CFAP52: variants seen among roughly 807,000 people sequenced by gnomAD.
CFAP52 encodes the protein cilia- and flagella-associated protein 52.
Under a neutral mutation model 70.5 loss-of-function variants are expected in CFAP52, and 57 were observed. That is an observed-to-expected ratio of 0.81 (90% CI 0.65 to 1.01). CFAP52 has a LOEUF of 1.01. CFAP52 is among the 50% of genes least tolerant of loss of function. The pLI, the probability that CFAP52 is intolerant of heterozygous loss-of-function variation, is 0.00. For missense variants in CFAP52, 785 were observed against 788.5 expected (o/e 1.00, Z 0.05); for synonymous variants, 267 against 292.5 (o/e 0.91, Z 0.89).
intron 6 of CFAP52, 119 bp from the exon 7 acceptor site, chr17:9,608,000 A>AT: frequency 1.4e-6 from 1 of 697,104 alleles, no homozygotes; most frequent in Non-Finnish European, 2.2e-6. Flanking sequence ...TAATATTTAA[A>AT]ATTTTTTTTA....
chr17:9,630,218 A>G (rs73975754), intron 9 of CFAP52, among the ~76,000 whole-genome samples: 2,383 of 151,546 alleles, frequency 0.016, 74 homozygotes, highest in African/African-American at 0.054. Flanking sequence ...CTTCTCACCC[A>G]GTATACTTTC....
At chr17:9,638,207 T>C (rs1910893528) in intron 11 of CFAP52, among the ~76,000 whole-genome samples, 1 of 152,244 alleles carries the variant, frequency 6.6e-6, no homozygotes, top group Admixed American at 6.5e-5. Flanking sequence ...ATTCTGCTTC[T>C]CAGACTGTAG....
chr17:9,599,517 G>A (rs1251494938), intron 5 of CFAP52, among the ~76,000 whole-genome samples: 1 of 152,190 alleles, frequency 6.6e-6, no homozygotes, highest in Non-Finnish European at 1.5e-5. Flanking sequence ...TAGACTTCAA[G>A]TGAAAGGCAC....
intron 7 of CFAP52, among the ~76,000 whole-genome samples, chr17:9,608,508 G>A (rs1452541017): frequency 1.3e-5 from 2 of 152,108 alleles, no homozygotes; most frequent in African/African-American, 4.8e-5. Context: ...CATGATGAAA[G>A]GAACGGGATG....
At position 9,585,850 on chromosome 17, in the gene CFAP52, C is replaced by T. The variant is rs1369063623; in HGVS notation, c.148C>T (p.Gln50Ter). Residue 50 changes from glutamine to a stop codon, truncating the protein, a stop_gained, in exon 2 of 14, where the codon CAG (glutamine) becomes TAG (stop). Coordinates refer to ENST00000352665, the MANE Select transcript of CFAP52 (RefSeq NM_145054.5). LOFTEE classifies it high-confidence loss of function. Reference sequence around the variant, plus strand: ...TCCTCTTGGTTGCACAGTCCTCATTCAGGCAATAAATACTAAAGAGCAGAA... The same window carrying T: ...TCCTCTTGGTTGCACAGTCCTCATTTAGGCAATAAATACTAAAGAGCAGAA... Reference protein sequence around the residue: ...IYPLGCTVLIQAINTKEQNFL... With the variant: ...IYPLGCTVLI The T allele has an allele frequency of 6.2e-7, 1 of 1,613,946 alleles. No homozygotes were observed. The highest frequency in any genetic ancestry group is 8.5e-7 in the Non-Finnish European group (1 of 1,180,032).
chr17:9,598,112 T>G, intron 4 of CFAP52, 122 bp from the exon 5 acceptor site: 1 of 685,482 alleles, frequency 1.5e-6, no homozygotes, highest in Non-Finnish European at 2.5e-6. Flanking sequence ...TCTTTCATAG[T>G]GCACTAGGCC....
chr17:9,612,215 T>C, intron 7 of CFAP52, 94 bp from the exon 8 acceptor site: 7 of 1,461,780 alleles, frequency 4.8e-6, no homozygotes, highest in Non-Finnish European at 6.5e-6. Context: ...TCTGAAATTA[T>C]ATGCCTGATT....
At position 9,628,684 on chromosome 17, in the gene CFAP52, G is replaced by C. The variant is rs1910330478; in HGVS notation, c.1038G>C (p.Glu346Asp). The C allele has an allele frequency of 6.2e-7, 1 of 1,613,838 alleles. No homozygotes were observed. Among genetic ancestry groups the C allele is most frequent in the African/African-American group, 1.3e-5 (1 of 74,894 alleles). Residue 346 changes from glutamate to aspartate, a missense_variant, in exon 9 of 14, where the codon GAG becomes GAC. Physicochemically the swap from Glu to Asp is conservative, Grantham distance 45 (BLOSUM62 2). Coordinates refer to ENST00000352665, the MANE Select transcript of CFAP52 (RefSeq NM_145054.5). Reference sequence around the variant, plus strand: ...GGCTTCCTTGCAGTGGCACTGCTGAGCTATTTGCAACCTGTGCCAAGAAGG... The same window carrying C: ...GGCTTCCTTGCAGTGGCACTGCTGACCTATTTGCAACCTGTGCCAAGAAGG... ...EDIVFPFGTAELFATCAKKDI... is the reference protein window; with the variant it reads ...EDIVFPFGTADLFATCAKKDI...
intron 7 of CFAP52, 87 bp from the exon 8 acceptor site, chr17:9,612,222 G>A (rs1909740247): frequency 2.0e-6 from 3 of 1,496,180 alleles, no homozygotes; most frequent in Admixed American, 3.7e-5. Context: ...TTATATGCCT[G>A]ATTTGTATCC....
chr17:9,638,523 G>A (rs576022292), intron 11 of CFAP52, 86 bp from the exon 12 acceptor site: 1 of 1,310,262 alleles, frequency 7.6e-7, no homozygotes, highest in African/African-American at 1.5e-5. Flanking sequence ...CCAAATCCCA[G>A]CTTGCACCAA....
At chr17:9,603,110 C>T (rs1909344278) in intron 6 of CFAP52, among the ~76,000 whole-genome samples, 1 of 151,860 alleles carries the variant, frequency 6.6e-6, no homozygotes. Context: ...TTTCCTAGCA[C>T]TTGGGAACGA....
intron 12 of CFAP52, among the ~76,000 whole-genome samples, chr17:9,639,554 A>T (rs1280801544): frequency 1.3e-5 from 2 of 152,122 alleles, no homozygotes; most frequent in African/African-American, 4.8e-5. Context: ...GCTCTCATGA[A>T]CCTTACTTCC....
chr17:9,634,521 G>C (rs1304549426), intron 10 of CFAP52, among the ~76,000 whole-genome samples: 1 of 151,528 alleles, frequency 6.6e-6, no homozygotes, highest in Non-Finnish European at 1.5e-5. Context: ...TGAGTTGGAG[G>C]TTGCAGTGAG....
chr17:9,616,531 C>T (rs536246303), intron 8 of CFAP52, among the ~76,000 whole-genome samples: 53 of 144,256 alleles, frequency 3.7e-4, no homozygotes, highest in Non-Finnish European at 5.1e-4. Flanking sequence ...TCTGTAGGCT[C>T]CACCTCTGGG....
intron 6 of CFAP52, among the ~76,000 whole-genome samples, chr17:9,606,741 T>A (rs1909507569): frequency 6.6e-6 from 1 of 152,142 alleles, no homozygotes; most frequent in Admixed American, 6.5e-5. Context: ...CATCCCCAAG[T>A]CCCCAGATAA....
intron 6 of CFAP52, among the ~76,000 whole-genome samples, chr17:9,606,148 C>G (rs1431232639): frequency 6.6e-6 from 1 of 152,008 alleles, no homozygotes; most frequent in African/African-American, 2.4e-5. Context: ...TTTGGGAGGC[C>G]AAGGCAGGAG....
intron 1 of CFAP52, among the ~76,000 whole-genome samples, chr17:9,579,779 G>A (rs1463139552): frequency 6.6e-6 from 1 of 152,122 alleles, no homozygotes; most frequent in African/African-American, 2.4e-5. Context: ...CGTTGGCCAG[G>A]CTGGTCTTGA....
chr17:9,624,072 TTATAA>T (rs2151946072), intron 8 of CFAP52, among the ~76,000 whole-genome samples: 1 of 152,320 alleles, frequency 6.6e-6, no homozygotes, highest in African/African-American at 2.4e-5. Context: ...ATTTTCTTCT[TTATAA>T]TATGTCATTT....
chr17:9,606,278 G>A (rs867709647), intron 6 of CFAP52, among the ~76,000 whole-genome samples: 1 of 152,120 alleles, frequency 6.6e-6, no homozygotes, highest in South Asian at 2.1e-4. Flanking sequence ...GGCTACTGGG[G>A]AGGCTGAGGC....
Sources: gnomAD v4.1 joint callset for allele counts (sites outside exome capture counted in the v4.1 genomes callset) on GRCh38, gnomAD v4.1.1 for gene constraint, MANE v1.5 for transcripts, NCBI Gene and HGNC (gene_info 2026-07-23, HGNC 2026-07-21) for gene names.